The following NFAM1 variants were observed in gnomAD, a reference collection of about 807,000 sequenced individuals.
The protein encoded by NFAM1 is NFAT activating protein with ITAM motif 1, also known as NFAT activation molecule 1.
NFAM1 carries 17 observed loss-of-function variants against 29.0 expected under a neutral mutation model. That is an observed-to-expected ratio of 0.59 (90% CI 0.40 to 0.88). NFAM1 has a LOEUF of 0.88. Among genes scored for constraint, NFAM1 ranks in the 40% least tolerant of loss-of-function variants. The pLI is 0.00. For missense variants in NFAM1, 324 were observed against 344.6 expected, an observed-to-expected ratio of 0.94 and a Z score of 0.47; for synonymous variants, 175 against 147.2, an observed-to-expected ratio of 1.19 and a Z score of -1.36.
intron 1 of NFAM1, among the ~76,000 whole-genome samples, chr22:42,413,685 G>A (rs1468497782): frequency 6.6e-6 from 1 of 152,052 alleles, no homozygotes; most frequent in East Asian, 1.9e-4. Context: ...ACATAAGAAG[G>A]CAAGGCCAGG....
chr22:42,408,431 G>A (rs1000168358), intron 3 of NFAM1, among the ~76,000 whole-genome samples: 2 of 152,106 alleles, frequency 1.3e-5, no homozygotes, highest in African/African-American at 4.8e-5. Flanking sequence ...ACCCAGGGCT[G>A]TTGCTGACTC....
upstream of NFAM1, among the ~76,000 whole-genome samples, chr22:42,433,330 G>A (rs1050275559): frequency 6.6e-6 from 1 of 152,208 alleles, no homozygotes; most frequent in African/African-American, 2.4e-5. Flanking sequence ...CATGCTGAGC[G>A]CTTACCTCCC....
At chr22:42,422,463 G>A (rs1930477502) in intron 1 of NFAM1, among the ~76,000 whole-genome samples, 1 of 152,030 alleles carries the variant, frequency 6.6e-6, no homozygotes, top group East Asian at 1.9e-4. Context: ...AAATTTAGCT[G>A]GGCATGGTGG....
At position 42,381,959 on chromosome 22, in the gene NFAM1, T is replaced by A. The variant is rs903451185; in HGVS notation, c.*3202A>T. 1 of 152,344 alleles carries A rather than the reference T, an allele frequency of 6.6e-6. No individual in the cohort carries two copies. The highest frequency in any genetic ancestry group is 6.5e-5 in the Admixed American group (1 of 15,276). The allele number at this position is 152,344 out of a possible 1,614,324, so 9.4% of individuals were successfully genotyped here. A position where few individuals can be genotyped will look rare whatever the true frequency, so the allele number is the denominator to read the frequency against. ...CCTCTGTACTGCCCCAGAAGCCTAT[T>A]CCTTCTGAAGGACGAGTCTTGAAGG... is the stretch of plus-strand genomic sequence containing the variant. On this transcript the variant is annotated 3_prime_UTR_variant, in exon 6 of 6. Coordinates refer to ENST00000329021, the MANE Select transcript of NFAM1 (RefSeq NM_145912.8).
Position 42,393,943 on chromosome 22 carries a change from C to T in NFAM1, c.663+3915G>A, listed in dbSNP as rs117624933. 2.0e-3 allele frequency among the ~76,000 whole-genome samples: 307 copies of T among 152,240 alleles called. 7 individuals are homozygous for T. The East Asian group carries it at 0.055, about 27-fold the overall frequency. On this transcript the variant is annotated intron_variant, in intron 4 of 5. Transcript: ENST00000329021. ...ATTCTGTGTGCACTTGAAAATAACA[C>T]GTACCATGCCTGGTTGAATGAGTAT...
upstream of NFAM1, among the ~76,000 whole-genome samples, chr22:42,433,254 G>A (rs1338519910): frequency 6.6e-6 from 1 of 152,222 alleles, no homozygotes; most frequent in East Asian, 1.9e-4. Flanking sequence ...GTGTGGTGAT[G>A]GCTGGTGGAG....
At chr22:42,431,079 C>T (rs1432978664) in intron 1 of NFAM1, among the ~76,000 whole-genome samples, 1 of 152,200 alleles carries the variant, frequency 6.6e-6, no homozygotes, top group East Asian at 1.9e-4. Flanking sequence ...ACATTCTTTA[C>T]AAGTAAGAGG....
chr22:42,410,589 G>A, intron 2 of NFAM1: 1 of 241,922 alleles, frequency 4.1e-6, no homozygotes, highest in Non-Finnish European at 8.7e-6. Context: ...AACCCAGGAG[G>A]CAGAGATTGC....
At chr22:42,395,790 A>G (rs1929501074) in intron 4 of NFAM1, among the ~76,000 whole-genome samples, 1 of 150,676 alleles carries the variant, frequency 6.6e-6, no homozygotes, top group East Asian at 2.0e-4. Flanking sequence ...GGCTGAGGCA[A>G]GAGAATGGCA....
chr22:42,413,038 A>G (rs1008318961), intron 1 of NFAM1, among the ~76,000 whole-genome samples: 4 of 152,168 alleles, frequency 2.6e-5, no homozygotes, highest in African/African-American at 4.8e-5. Flanking sequence ...TGGGGGCAGC[A>G]GCCGCCCCCT....
intron 1 of NFAM1, among the ~76,000 whole-genome samples, chr22:42,428,628 G>A (rs554702074): frequency 3.9e-5 from 6 of 152,112 alleles, no homozygotes; most frequent in Non-Finnish European, 8.8e-5. Flanking sequence ...TGGTAACTCC[G>A]GCCAAGGCTC....
rs969134865 is a variant in NFAM1, at chr22:42,432,172, G to A, written c.121+65C>T. On this transcript the variant is annotated intron_variant, in intron 1 of 5. Coordinates refer to ENST00000329021, the MANE Select transcript of NFAM1 (RefSeq NM_145912.8). ...TCCCTGGGAATTAGCTGCGCCGGGC[G>A]GGATGAAAGCCGCTCTGATGTTCTG... 8 of 1,404,786 alleles carry A rather than the reference G, an allele frequency of 5.7e-6. No individual in the cohort carries two copies. The East Asian group carries it at 7.4e-5, about 13-fold the overall frequency. 87.0% of individuals were successfully genotyped at this position (1,404,786 alleles called of 1,614,324 possible).
intron 5 of NFAM1, 74 bp downstream of exon 5, chr22:42,386,915 C>A: frequency 1.3e-6 from 1 of 788,372 alleles, no homozygotes; most frequent in South Asian, 1.9e-5. Flanking sequence ...GTCCCATTTG[C>A]CCCCCCACTT....
chr22:42,406,919 C>T (rs983050299), intron 3 of NFAM1, among the ~76,000 whole-genome samples: 6 of 151,940 alleles, frequency 3.9e-5, no homozygotes, highest in East Asian at 1.9e-4. Context: ...GGACTACAGG[C>T]GTGTGACCAC....
chr22:42,396,155 C>T (rs1929518637), intron 4 of NFAM1, among the ~76,000 whole-genome samples: 1 of 152,154 alleles, frequency 6.6e-6, no homozygotes, highest in African/African-American at 2.4e-5. Context: ...TCCAAGCTGG[C>T]CTGCAACTCT....
At chr22:42,397,828 G>A (rs767442083) in intron 4 of NFAM1, 30 bp downstream of exon 4, 7 of 1,257,986 alleles carry the variant, frequency 5.6e-6, no homozygotes, top group Admixed American at 1.7e-5. Context: ...CCTGAAAGAG[G>A]TGGAGGGAGC....
chr22:42,391,610 G>C (rs1004950104), intron 4 of NFAM1, among the ~76,000 whole-genome samples: 1 of 152,082 alleles, frequency 6.6e-6, no homozygotes. Context: ...ATGGAGCAGC[G>C]ATGAGGAGAC....
In NFAM1 at chr22:42,382,122, T is replaced by G. The variant is rs893565809; in HGVS notation, c.*3039A>C. On this transcript the variant is annotated 3_prime_UTR_variant, in exon 6 of 6. Coordinates refer to ENST00000329021, the MANE Select transcript of NFAM1 (RefSeq NM_145912.8). ...CCAGGCTGGTGTGCAGTGGTGCCAC[T>G]TCGGCTCACTGCAACCTCTGTCTCC... 5.3e-5 allele frequency: 8 copies of G among 152,374 alleles called. No homozygotes were observed. The highest frequency in any genetic ancestry group is 3.9e-4 in the Admixed American group (6 of 15,284). The allele number at this position is 152,374 out of a possible 1,614,324, so 9.4% of individuals were successfully genotyped here.
At chr22:42,415,553 C>T (rs899357626) in intron 1 of NFAM1, among the ~76,000 whole-genome samples, 7 of 152,080 alleles carry the variant, frequency 4.6e-5, no homozygotes, top group Admixed American at 3.9e-4. Context: ...CCCACCTCGG[C>T]CTCCCAAAGT....
Sources: allele counts gnomAD v4.1 joint callset (sites outside exome capture counted in the v4.1 genomes callset), GRCh38; gene constraint gnomAD v4.1.1; transcripts MANE v1.5; gene names NCBI Gene and HGNC (gene_info 2026-07-23, HGNC 2026-07-21).